MEIS3: variants seen among roughly 807,000 people sequenced by gnomAD.
MEIS3 encodes Meis homeobox 3, also known as homeobox protein Meis3.
In MEIS3, 38 loss-of-function variants were observed where a neutral mutation model predicts 51.4. The ratio of observed to expected loss-of-function variants is 0.74; its 90% CI spans 0.57 to 0.97. The LOEUF (loss-of-function observed/expected upper bound fraction) is 0.97, where lower values mean the gene tolerates loss of function less well. MEIS3 is among the 50% of genes least tolerant of loss of function. MEIS3 has a pLI of 0.00. For missense variants in MEIS3, 456 were observed against 502.6 expected (o/e 0.91, Z 0.89); for synonymous variants, 198 against 201.8 (o/e 0.98, Z 0.16).
At chr19:47,419,046 C>A in intron 1 of MEIS3, 24 bp downstream of exon 1, 1 of 1,241,590 alleles carries the variant, frequency 8.1e-7, no homozygotes, top group Non-Finnish European at 1.0e-6. Context: ...GGCCGGGACG[C>A]GGGGTCCCCG....
At chr19:47,419,723 C>T (rs150836277), upstream of MEIS3, among the ~76,000 whole-genome samples, 1 of 151,352 alleles carries the variant, frequency 6.6e-6, no homozygotes, top group Non-Finnish European at 1.5e-5. Flanking sequence ...CCCTCCTCTC[C>T]TACCCAGGGC....
chr19:47,420,934 A>ACTCTCTCTCT (rs1568434238), upstream of MEIS3, among the ~76,000 whole-genome samples: 7 of 103,424 alleles, frequency 6.8e-5, no homozygotes, highest in African/African-American at 3.6e-4. Context: ...ACACACACAC[A>ACTCTCTCTCT]CACACACTCT....
chr19:47,408,780 A>C (rs1320895393), intron 8 of MEIS3, among the ~76,000 whole-genome samples: 2 of 151,580 alleles, frequency 1.3e-5, no homozygotes, highest in Non-Finnish European at 2.9e-5. Context: ...TCTCCTCCTC[A>C]CCTGTTAAAT....
rs1354558274 is a variant in MEIS3 at position 47,417,353 on chromosome 19, G to A, written c.13-3C>T. The A allele has an allele frequency of 1.2e-6, 2 of 1,613,176 alleles. No individual in the cohort carries two copies. Among genetic ancestry groups the A allele is most frequent in the South Asian group, 2.2e-5 (2 of 91,014 alleles). ...GGGTAGTGCGGCAGCTCATCATACT[G>A]GGGGAAGGTGAGAAGAGAAGGGCGG... is the stretch of plus-strand genomic sequence containing the variant. On this transcript the variant is annotated splice_region_variant and splice_polypyrimidine_tract_variant and intron_variant, in intron 1 of 12. Coordinates refer to ENST00000558555, the MANE Select transcript of MEIS3 (RefSeq NM_001301059.2).
intron 12 of MEIS3, 126 bp downstream of exon 12, chr19:47,406,334 G>A (rs973322630): frequency 1.5e-6 from 1 of 653,020 alleles, no homozygotes; most frequent in East Asian, 2.7e-5. Flanking sequence ...TTCCCATCAA[G>A]CCTCAGAGAA....
intron 12 of MEIS3, among the ~76,000 whole-genome samples, chr19:47,404,475 G>A (rs866381158): frequency 6.6e-6 from 1 of 152,036 alleles, no homozygotes; most frequent in African/African-American, 2.4e-5. Context: ...CCACCTGTCC[G>A]GCCGCCTGCC....
upstream of MEIS3, among the ~76,000 whole-genome samples, chr19:47,421,794 C>G (rs1971721439): frequency 6.7e-6 from 1 of 149,330 alleles, no homozygotes. Context: ...TGGATGTCTT[C>G]TCTGCCTCAT....
At chr19:47,406,218 A>G in intron 12 of MEIS3, 1 of 420,040 alleles carries the variant, frequency 2.4e-6, no homozygotes, top group Admixed American at 4.1e-5. Flanking sequence ...TAACGGATGG[A>G]TAAAGATATG....
At chr19:47,420,651 T>G (rs543500161), upstream of MEIS3, among the ~76,000 whole-genome samples, 195 of 150,028 alleles carry the variant, frequency 1.3e-3, no homozygotes, top group African/African-American at 4.8e-3. Context: ...GAGTCGTCCC[T>G]GCCACCCCCA....
At chr19:47,406,279 A>T in intron 12 of MEIS3, 181 bp downstream of exon 12, 2 of 522,252 alleles carry the variant, frequency 3.8e-6, no homozygotes, top group South Asian at 5.7e-5. Flanking sequence ...AGGAGGATGG[A>T]TGGATGGATG....
intron 6 of MEIS3, among the ~76,000 whole-genome samples, chr19:47,410,572 C>A (rs1971084075): frequency 6.6e-6 from 1 of 151,868 alleles, no homozygotes; most frequent in African/African-American, 2.4e-5. Flanking sequence ...CGAGACCATC[C>A]TGGCTAACAT....
intron 12 of MEIS3, 89 bp downstream of exon 12, chr19:47,406,371 C>G (rs925937838): frequency 9.2e-7 from 1 of 1,084,202 alleles, no homozygotes; most frequent in African/African-American, 1.6e-5. Flanking sequence ...CCAGGCTGAC[C>G]CACTACTCTG....
chr19:47,420,975 T>TCTCTCTCTC (rs1568434395), upstream of MEIS3, among the ~76,000 whole-genome samples: 322 of 78,954 alleles, frequency 4.1e-3, 4 homozygotes, highest in African/African-American at 0.012. Flanking sequence ...CTCTCTCTCT[T>TCTCTCTCTC]CCTGGCTGTC....
At position 47,407,605 on chromosome 19, in the gene MEIS3, T is replaced by C. The variant is rs759229320; in HGVS notation, c.859-177A>G. On this transcript the variant is annotated intron_variant, in intron 8 of 12. Coordinates refer to ENST00000558555, the MANE Select transcript of MEIS3 (RefSeq NM_001301059.2). ...GATGGAGACCAAGGGAGCCTCAGGC[T>C]TGGGGCAATTACATGCCTGCCAGCC... 13 of 1,429,932 alleles carry C rather than the reference T, an allele frequency of 9.1e-6. No homozygotes were observed. The Admixed American group carries it at 1.9e-4, about 21-fold the overall frequency. The allele number at this position is 1,429,932 out of a possible 1,614,324, so 88.6% of individuals were successfully genotyped here.
chr19:47,407,776 T>A (rs1970922270), intron 8 of MEIS3: 1 of 471,512 alleles, frequency 2.1e-6, no homozygotes, highest in African/African-American at 2.0e-5. Context: ...TCTGAATCTG[T>A]CAGAGTCTCT....
At chr19:47,420,820 G>A (rs1042652671), upstream of MEIS3, among the ~76,000 whole-genome samples, 4 of 151,246 alleles carry the variant, frequency 2.6e-5, no homozygotes, top group Non-Finnish European at 4.4e-5. Context: ...GGGAGGCTCC[G>A]GCTTTCTGAG....
upstream of MEIS3, among the ~76,000 whole-genome samples, chr19:47,421,074 C>T (rs1971702632): frequency 6.6e-6 from 1 of 151,686 alleles, no homozygotes; most frequent in Non-Finnish European, 1.5e-5. Flanking sequence ...GTGCCTGTGT[C>T]ACTGCGTCGC....
intron 6 of MEIS3, among the ~76,000 whole-genome samples, chr19:47,410,452 CAAA>C (rs562672336): frequency 6.5e-5 from 4 of 61,258 alleles, no homozygotes; most frequent in Non-Finnish European, 1.1e-4. Flanking sequence ...GACTACGTCT[CAAA>C]AAAAAAAAAA....
At chr19:47,404,582 C>T (rs2122452169) in intron 12 of MEIS3, among the ~76,000 whole-genome samples, 1 of 152,248 alleles carries the variant, frequency 6.6e-6, no homozygotes, top group South Asian at 2.1e-4. Flanking sequence ...TTGGCACGTG[C>T]TATTCCCTCT....
Sources: gnomAD v4.1 joint callset for allele counts (sites outside exome capture counted in the v4.1 genomes callset) on GRCh38, gnomAD v4.1.1 for gene constraint, MANE v1.5 for transcripts, NCBI Gene and HGNC (gene_info 2026-07-23, HGNC 2026-07-21) for gene names.